The following GRB10 variants were observed in gnomAD, a reference collection of about 807,000 sequenced individuals.
GRB10 encodes growth factor receptor bound protein 10, also known as growth factor receptor-bound protein 10.
A neutral mutation model predicts 80.9 loss-of-function variants in GRB10; 20 were observed. The observed-to-expected ratio is 0.25, with a 90% CI of 0.17 to 0.36. GRB10 has a LOEUF of 0.36. GRB10 is among the 10% of genes least tolerant of loss of function. The pLI, the probability that GRB10 is intolerant of heterozygous loss-of-function variation, is 1.00. For missense variants in GRB10, 548 were observed against 747.7 expected (o/e 0.73, Z 3.12); for synonymous variants, 291 against 291.5 (o/e 1.00, Z 0.02).
intron 5 of GRB10, among the ~76,000 whole-genome samples, chr7:50,681,794 C>T (rs73697056): frequency 9.2e-5 from 14 of 152,230 alleles, no homozygotes; most frequent in African/African-American, 3.4e-4. Context: ...ACGGGGGCTG[C>T]ACCCTTGCCT....
chr7:50,781,883 GT>G (rs2078320932), intron 1 of GRB10, among the ~76,000 whole-genome samples: 1 of 152,242 alleles, frequency 6.6e-6, no homozygotes, highest in Non-Finnish European at 1.5e-5. Context: ...GGAGAAAGAG[GT>G]TTTCATGGAG....
intron 5 of GRB10, among the ~76,000 whole-genome samples, chr7:50,693,108 AC>A (rs1249701975): frequency 2.6e-5 from 4 of 152,106 alleles, no homozygotes; most frequent in Non-Finnish European, 4.4e-5. Context: ...TTCCTAACTT[AC>A]CCCCAGTCAA....
At chr7:50,786,580 A>G (rs2078703232), upstream of GRB10, among the ~76,000 whole-genome samples, 1 of 152,232 alleles carries the variant, frequency 6.6e-6, no homozygotes, top group Admixed American at 6.5e-5. Context: ...ATTCTGCCTA[A>G]AGGCAATGGA....
chr7:50,652,449 C>T (rs928882568), intron 7 of GRB10, among the ~76,000 whole-genome samples: 4 of 152,216 alleles, frequency 2.6e-5, no homozygotes, highest in Non-Finnish European at 4.4e-5. Flanking sequence ...CTCCAAATTA[C>T]ACCAAAGAGG....
upstream of GRB10, among the ~76,000 whole-genome samples, chr7:50,785,204 CCA>C (rs1330493701): frequency 6.6e-6 from 1 of 152,226 alleles, no homozygotes; most frequent in African/African-American, 2.4e-5. Flanking sequence ...AGGCGTCCAT[CCA>C]CAGAGGCCAC....
At chr7:50,659,677 G>A (rs1044668993) in intron 7 of GRB10, among the ~76,000 whole-genome samples, 1 of 152,344 alleles carries the variant, frequency 6.6e-6, no homozygotes, top group East Asian at 1.9e-4. Flanking sequence ...ACTCATCTCT[G>A]TCTAGAGCCT....
chr7:50,638,742 G>T (rs2055547751), intron 7 of GRB10, among the ~76,000 whole-genome samples: 1 of 152,134 alleles, frequency 6.6e-6, no homozygotes, highest in Non-Finnish European at 1.5e-5. Context: ...CCACTACTGG[G>T]CATGTATGCA....
chr7:50,596,779 GC>G (rs1753729281), intron 17 of GRB10, among the ~76,000 whole-genome samples: 1 of 152,166 alleles, frequency 6.6e-6, no homozygotes, highest in East Asian at 1.9e-4. Flanking sequence ...GGGTATCTGG[GC>G]GAAGTGTGTA....
intron 4 of GRB10, among the ~76,000 whole-genome samples, chr7:50,725,149 TGGA>T (rs1025397598): frequency 6.6e-6 from 1 of 152,200 alleles, no homozygotes; most frequent in Non-Finnish European, 1.5e-5. Flanking sequence ...TCCCCAAGGT[TGGA>T]GGAGGAGCCT....
chr7:50,779,428 C>T (rs1006643238), intron 2 of GRB10: 2 of 152,156 alleles, frequency 1.3e-5, no homozygotes, highest in Non-Finnish European at 2.9e-5. Context: ...CGTGCCAGCT[C>T]CCTTTAAGAA....
chr7:50,762,478 T>G (rs938422737), intron 2 of GRB10, among the ~76,000 whole-genome samples: 1 of 152,066 alleles, frequency 6.6e-6, no homozygotes, highest in African/African-American at 2.4e-5. Flanking sequence ...AGGCCCTGTC[T>G]TCAAGGAACT....
In GRB10 at chr7:50,731,908, C is replaced by T. The variant is rs565952494; in HGVS notation, c.51+364G>A. 5.3e-5 allele frequency among the ~76,000 whole-genome samples: 8 copies of T among 152,320 alleles called. No individual in the cohort carries two copies. In the East Asian group the frequency reaches 7.7e-4, roughly 15 times the overall value. The stretch of plus-strand genomic sequence containing the variant: ...CGACAACCACCATCACTGCAGAACC[C>T]GTCATCAGGAGTGTCTGGCCCGACC... On this transcript the variant is annotated intron_variant, in intron 4 of 18. Transcript: ENST00000401949.
chr7:50,695,096 C>T (rs1248686350), intron 5 of GRB10, among the ~76,000 whole-genome samples: 3 of 152,190 alleles, frequency 2.0e-5, no homozygotes, highest in Non-Finnish European at 4.4e-5. Context: ...CCACCACCTG[C>T]TCAGACCATG....
intron 17 of GRB10, among the ~76,000 whole-genome samples, chr7:50,603,706 T>C (rs1159276062): frequency 1.3e-5 from 2 of 152,228 alleles, no homozygotes; most frequent in East Asian, 3.9e-4. Flanking sequence ...ATCTGCCCAC[T>C]ACCTTATGAA....
chr7:50,702,821 A>G (rs2153667510), intron 5 of GRB10, among the ~76,000 whole-genome samples: 1 of 152,368 alleles, frequency 6.6e-6, no homozygotes, highest in East Asian at 1.9e-4. Flanking sequence ...GGTAAGCCTT[A>G]AAGAGTTCTT....
intron 8 of GRB10, among the ~76,000 whole-genome samples, chr7:50,625,828 A>G (rs1336380092): frequency 6.6e-6 from 1 of 152,258 alleles, no homozygotes; most frequent in Non-Finnish European, 1.5e-5. Context: ...TGCATTATTT[A>G]GGCTTAAATT....
At chr7:50,788,519 T>C (rs926756705) in intron 1 of GRB10, among the ~76,000 whole-genome samples, 1 of 152,158 alleles carries the variant, frequency 6.6e-6, no homozygotes, top group African/African-American at 2.4e-5. Flanking sequence ...CCACCTGCAC[T>C]GACCCAGCAC....
chr7:50,773,950 CG>C (rs747668726), intron 2 of GRB10, among the ~76,000 whole-genome samples: 16 of 152,298 alleles, frequency 1.1e-4, no homozygotes, highest in Non-Finnish European at 1.9e-4. Flanking sequence ...CTCCGCCTCC[CG>C]GGTTCATGCC....
chr7:50,750,606 A>G (rs1300095665), intron 3 of GRB10, among the ~76,000 whole-genome samples: 1 of 152,072 alleles, frequency 6.6e-6, no homozygotes, highest in Non-Finnish European at 1.5e-5. Context: ...CCAATAACCA[A>G]CTGCAGACAG....
Sources: allele counts gnomAD v4.1 joint callset (sites outside exome capture counted in the v4.1 genomes callset), GRCh38; gene constraint gnomAD v4.1.1; transcripts MANE v1.5; gene names NCBI Gene and HGNC (gene_info 2026-07-23, HGNC 2026-07-21).